Variants in AUTS2 observed in about 807,000 individuals in gnomAD.
AUTS2 encodes activator of transcription and developmental regulator AUTS2.
AUTS2 carries 17 observed loss-of-function variants against 112.4 expected under a neutral mutation model. The observed-to-expected ratio is 0.15, with a 90% CI of 0.10 to 0.23. AUTS2 has a LOEUF of 0.23. Among genes scored for constraint, AUTS2 ranks in the 10% least tolerant of loss-of-function variants. AUTS2 has a pLI of 1.00. For missense variants in AUTS2, 1,510 were observed against 1,701.6 expected, an observed-to-expected ratio of 0.89 and a Z score of 1.98; for synonymous variants, 751 against 702.7, an observed-to-expected ratio of 1.07 and a Z score of -1.09.
intron 3 of AUTS2, among the ~76,000 whole-genome samples, chr7:70,123,870 A>G (rs1805819308): frequency 6.6e-6 from 1 of 152,120 alleles, no homozygotes; most frequent in African/African-American, 2.4e-5. Flanking sequence ...ATATCCAGTA[A>G]TGGGATTGCT....
intron 4 of AUTS2, among the ~76,000 whole-genome samples, chr7:70,137,493 A>G (rs903463478): frequency 6.6e-6 from 1 of 151,786 alleles, no homozygotes; most frequent in Non-Finnish European, 1.5e-5. Flanking sequence ...CGTCAATGCA[A>G]TGAACACATT....
intron 1 of AUTS2, among the ~76,000 whole-genome samples, chr7:69,774,782 A>G (rs1449078788): frequency 6.6e-6 from 1 of 152,240 alleles, no homozygotes; most frequent in Admixed American, 6.5e-5. Context: ...TTTACAAATC[A>G]GGGATTTTCA....
Position 70,790,651 on chromosome 7 carries a change from G to T in AUTS2, c.3435G>T (p.Arg1145=). ...TGGACCCTCGGCGGGAGCACGAGCG[G>T]GGAGGCCACCTGGACGAGCGGGAGC... is the stretch of plus-strand genomic sequence containing the variant. ...LSVDPRREHE[R]GGHLDERERL... is the part of the protein sequence containing the mutation. Residue 1145 remains arginine (R), a synonymous_variant, in exon 19 of 19, where the codon CGG becomes CGT. Coordinates refer to ENST00000342771, the MANE Select transcript of AUTS2 (RefSeq NM_015570.4). This position sits in a 1 kb window ranked among gnomAD's most constrained non-coding sequence, Gnocchi z 7.6. 6.2e-7 allele frequency: 1 copy of T among 1,613,116 alleles called. No individual in the cohort carries two copies. The highest frequency in any genetic ancestry group is 1.1e-5 in the South Asian group (1 of 91,032).
At chr7:69,807,940 C>CT (rs34491458) in intron 1 of AUTS2, among the ~76,000 whole-genome samples, 12,958 of 120,342 alleles carry the variant, frequency 0.11, 820 homozygotes, top group Non-Finnish European at 0.14. Context: ...TAGGCCCAAG[C>CT]TTTTTTTTTT....
At chr7:70,734,736 G>A (rs958239222) in intron 6 of AUTS2, among the ~76,000 whole-genome samples, 2 of 152,138 alleles carry the variant, frequency 1.3e-5, no homozygotes, top group African/African-American at 4.8e-5. Context: ...CAGCTGTTGT[G>A]TGATATCTGC....
chr7:70,652,652 A>G (rs1280088527), intron 5 of AUTS2, among the ~76,000 whole-genome samples: 1 of 152,220 alleles, frequency 6.6e-6, no homozygotes, highest in Admixed American at 6.5e-5. Context: ...CGAGAGGCTG[A>G]GGCAGGAGGA....
chr7:70,676,654 A>G (rs944004348), intron 5 of AUTS2, among the ~76,000 whole-genome samples: 1 of 152,014 alleles, frequency 6.6e-6, no homozygotes, highest in Non-Finnish European at 1.5e-5. Flanking sequence ...AGGCAGGTGG[A>G]TCACTTGAGG....
chr7:69,928,734 A>G (rs907664377), intron 2 of AUTS2, among the ~76,000 whole-genome samples: 1 of 151,858 alleles, frequency 6.6e-6, no homozygotes, highest in Non-Finnish European at 1.5e-5. Context: ...CCAAGAACAC[A>G]TGGATGCTTG....
intron 2 of AUTS2, among the ~76,000 whole-genome samples, chr7:69,937,410 A>G (rs1218404453): frequency 6.6e-6 from 1 of 152,112 alleles, no homozygotes; most frequent in Non-Finnish European, 1.5e-5. Flanking sequence ...GCTGCCTCTA[A>G]ATCTGTTTTG....
chr7:69,816,767 A>G (rs886767035), intron 1 of AUTS2, among the ~76,000 whole-genome samples: 1 of 152,214 alleles, frequency 6.6e-6, no homozygotes, highest in African/African-American at 2.4e-5. Flanking sequence ...GCCAAAGTCT[A>G]TCCAGTAATT....
At chr7:70,014,250 G>T (rs768410821) in intron 2 of AUTS2, among the ~76,000 whole-genome samples, 1 of 152,180 alleles carries the variant, frequency 6.6e-6, no homozygotes, top group Non-Finnish European at 1.5e-5. Flanking sequence ...TAGAAAGGGA[G>T]CTTAAAGAGG....
chr7:69,890,128 T>A (rs557921061), intron 1 of AUTS2, among the ~76,000 whole-genome samples: 9 of 152,330 alleles, frequency 5.9e-5, no homozygotes, highest in South Asian at 2.1e-4. Context: ...CTAAACTGTT[T>A]TAAGCAATAG....
intron 5 of AUTS2, among the ~76,000 whole-genome samples, chr7:70,499,646 G>C (rs1303242077): frequency 6.6e-6 from 1 of 152,234 alleles, no homozygotes; most frequent in African/African-American, 2.4e-5. Flanking sequence ...ATGGGAATGT[G>C]TTAGTATTCT....
chr7:69,688,195 C>T (rs1472291991), intron 1 of AUTS2, among the ~76,000 whole-genome samples: 1 of 152,178 alleles, frequency 6.6e-6, no homozygotes, highest in African/African-American at 2.4e-5. Context: ...GTCTGGTGAC[C>T]AATTTGAAAT....
At chr7:70,555,085 G>A (rs898083596) in intron 5 of AUTS2, among the ~76,000 whole-genome samples, 16 of 152,176 alleles carry the variant, frequency 1.1e-4, no homozygotes, top group African/African-American at 3.9e-4. Flanking sequence ...AGAAAAACAT[G>A]AGCAAATAAA....
chr7:70,790,494 A>T lies in AUTS2; in HGVS notation c.3278A>T (p.Asp1093Val). 6.2e-7 allele frequency: 1 copy of T among 1,612,408 alleles called. No individual in the cohort carries two copies. Among genetic ancestry groups the T allele is most frequent in the South Asian group, 1.1e-5 (1 of 90,900 alleles). Reference sequence around the variant, plus strand: ...CACCGGAGAGACCCGCTGGGCAGGGACTTCCTGCTAAGGAACGACCCGCTC... The same window carrying T: ...CACCGGAGAGACCCGCTGGGCAGGGTCTTCCTGCTAAGGAACGACCCGCTC... ...DIHRRDPLGR[D>V]FLLRNDPLHR... The change falls in exon 19 of 19, where the codon GAC (aspartate) becomes GTC (valine). Residue 1093 changes from aspartate to valine, a missense_variant. This residue lies in a region of AUTS2 where 788 missense variants were observed against 797.6 expected (regional missense o/e 0.99). Coordinates refer to ENST00000342771, the MANE Select transcript of AUTS2 (RefSeq NM_015570.4). The surrounding 1 kb of genome is among the most constrained non-coding windows in gnomAD (Gnocchi z 7.6).
chr7:70,426,521 C>T (rs1466539583), intron 4 of AUTS2, among the ~76,000 whole-genome samples: 3 of 152,290 alleles, frequency 2.0e-5, no homozygotes, highest in Middle Eastern at 3.4e-3. Flanking sequence ...TCTTTCCCTC[C>T]GCTCACTTTC....
chr7:69,712,034 A>C (rs577390950), intron 1 of AUTS2, among the ~76,000 whole-genome samples: 1 of 152,286 alleles, frequency 6.6e-6, no homozygotes, highest in Non-Finnish European at 1.5e-5. Flanking sequence ...TCCATAAGCC[A>C]TATTTAGGCA....
intron 5 of AUTS2, among the ~76,000 whole-genome samples, chr7:70,494,709 A>G (rs1265928906): frequency 6.6e-6 from 1 of 152,190 alleles, no homozygotes; most frequent in East Asian, 1.9e-4. Flanking sequence ...ATTGCTTAGC[A>G]GGAACTTCAC....
Sources: gnomAD v4.1 joint callset for allele counts (sites outside exome capture counted in the v4.1 genomes callset) on GRCh38, gnomAD v4.1.1 for gene constraint, gnomAD v4.1.1 regional missense constraint, Gnocchi (gnomAD v3.1) non-coding constraint, MANE v1.5 for transcripts, NCBI Gene and HGNC (gene_info 2026-07-23, HGNC 2026-07-21) for gene names.